Variants in PCSK5 observed in about 807,000 individuals in gnomAD.
The protein encoded by PCSK5 is prohormone convertase 5.
Under a neutral mutation model 233.2 loss-of-function variants are expected in PCSK5, and 129 were observed. The observed-to-expected ratio is 0.55, with a 90% CI of 0.48 to 0.64. PCSK5 has a LOEUF of 0.64. Ranked by LOEUF, PCSK5 falls within the 30% of genes least tolerant of loss-of-function variation. The pLI is 0.00. For synonymous variants in PCSK5, 825 were observed against 879.2 expected (o/e 0.94, Z 1.09); for missense variants, 2,076 against 2,430.1 (o/e 0.85, Z 3.06).
intron 2 of PCSK5, among the ~76,000 whole-genome samples, chr9:75,964,252 C>T (rs1159689446): frequency 6.6e-6 from 1 of 152,164 alleles, no homozygotes; most frequent in Non-Finnish European, 1.5e-5. Flanking sequence ...ACTTAGGTAG[C>T]TCAGATCATA....
At chr9:76,213,316 A>AG (rs1825400277) in intron 20 of PCSK5, among the ~76,000 whole-genome samples, 1 of 152,236 alleles carries the variant, frequency 6.6e-6, no homozygotes, top group Non-Finnish European at 1.5e-5. Flanking sequence ...AAGAGGAGGT[A>AG]GTGAGTTCTT....
At chr9:75,920,533 T>C (rs1471536250) in intron 1 of PCSK5, among the ~76,000 whole-genome samples, 1 of 152,020 alleles carries the variant, frequency 6.6e-6, no homozygotes, top group Non-Finnish European at 1.5e-5. Flanking sequence ...GGCTGGGTGG[T>C]ATGGGTCATG....
chr9:76,093,582 T>TATATACACAC lies in PCSK5; in HGVS notation c.895-2307_895-2306insTATACACACA, dbSNP rs375899150. 3.4e-3 allele frequency among the ~76,000 whole-genome samples: 515 copies of TATATACACAC among 149,918 alleles called. 5 individuals are homozygous for TATATACACAC. The highest frequency in any genetic ancestry group is 0.023 in the South Asian group (106 of 4,704). ...TCATAATTTTATATATATATATATATACACACACACACACACACGTGCTTG... is the reference window on the plus strand; with the variant it reads ...TCATAATTTTATATATATATATATATATATACACACACACACACACACACACACGTGCTTG... On this transcript the variant is annotated intron_variant, in intron 7 of 37. Coordinates refer to ENST00000674117, the MANE Select transcript of PCSK5 (RefSeq NM_001372043.1).
chr9:76,025,051 C>G (rs1445927714), intron 4 of PCSK5, among the ~76,000 whole-genome samples: 1 of 152,122 alleles, frequency 6.6e-6, no homozygotes, highest in East Asian at 1.9e-4. Context: ...GGACACTTAG[C>G]AGGTCTGCAG....
At chr9:76,126,625 C>T (rs1340641253) in intron 9 of PCSK5, among the ~76,000 whole-genome samples, 1 of 151,998 alleles carries the variant, frequency 6.6e-6, no homozygotes, top group Non-Finnish European at 1.5e-5. Context: ...AAAAAAAAAC[C>T]GTTTTTTACA....
At chr9:76,276,588 C>T (rs1827694509) in intron 24 of PCSK5, among the ~76,000 whole-genome samples, 1 of 152,188 alleles carries the variant, frequency 6.6e-6, no homozygotes, top group African/African-American at 2.4e-5. Flanking sequence ...TGGCCTCTGT[C>T]TGGAACACCT....
chr9:76,157,178 G>T lies in PCSK5; in HGVS notation c.1430+16G>T, dbSNP rs144978893. On this transcript the variant is annotated intron_variant, in intron 11 of 37. Transcript: ENST00000674117. ...GACAAATCAAGTAATGCTTGCTGCC[G>T]GCAAACAGCATGACAATGCCCCAAA... is the stretch of plus-strand genomic sequence containing the variant. The T allele has an allele frequency of 3.3e-4, 508 of 1,552,822 alleles. 1 individual carries two copies. The African/African-American group carries it at 5.1e-3, about 16-fold the overall frequency.
intron 30 of PCSK5, among the ~76,000 whole-genome samples, chr9:76,311,257 T>C (rs1828858215): frequency 6.6e-6 from 1 of 151,704 alleles, no homozygotes; most frequent in African/African-American, 2.4e-5. Flanking sequence ...CTTGGGAGGC[T>C]AAGGTGGGAG....
intron 20 of PCSK5, among the ~76,000 whole-genome samples, chr9:76,217,182 C>G (rs1361950547): frequency 6.6e-6 from 1 of 152,172 alleles, no homozygotes; most frequent in Admixed American, 6.5e-5. Flanking sequence ...AATAATATTA[C>G]CTGATATTAG....
intron 2 of PCSK5, among the ~76,000 whole-genome samples, chr9:75,941,454 A>G (rs1322943385): frequency 6.6e-6 from 1 of 152,050 alleles, no homozygotes; most frequent in Non-Finnish European, 1.5e-5. Flanking sequence ...AATGGTTACC[A>G]AATATCCTGA....
intron 1 of PCSK5, among the ~76,000 whole-genome samples, chr9:75,910,155 T>C (rs77137339): frequency 0.018 from 2,748 of 152,310 alleles, 39 homozygotes; most frequent in South Asian, 0.035. Flanking sequence ...TCCATCTCGA[T>C]AAACACAAAA....
In PCSK5 at chr9:76,249,669, T is replaced by C. The variant is rs544873899; in HGVS notation, c.3142+8985T>C. Among the ~76,000 whole-genome samples, 4 of 152,266 alleles carry C rather than the reference T, an allele frequency of 2.6e-5. No individual in the cohort carries two copies. In the East Asian group the frequency reaches 7.7e-4, roughly 29 times the overall value. On this transcript the variant is annotated intron_variant, in intron 24 of 37. Coordinates refer to ENST00000674117, the MANE Select transcript of PCSK5 (RefSeq NM_001372043.1). ...GGACAGGAAATAAACAGGATGAGCC[T>C]GCAGCATCTTGTAATGACAGAATGT...
At chr9:76,236,374 C>A (rs957096039) in intron 22 of PCSK5, among the ~76,000 whole-genome samples, 2 of 152,148 alleles carry the variant, frequency 1.3e-5, no homozygotes, top group African/African-American at 2.4e-5. Flanking sequence ...GAATTACTCT[C>A]CAGAATAAAC....
chr9:76,010,474 T>C (rs1389658107), intron 3 of PCSK5, among the ~76,000 whole-genome samples: 1 of 152,228 alleles, frequency 6.6e-6, no homozygotes, highest in Non-Finnish European at 1.5e-5. Flanking sequence ...ACTTTACTGT[T>C]CACTATGCCC....
At chr9:76,341,042 C>G (rs1829820658) in intron 35 of PCSK5, among the ~76,000 whole-genome samples, 1 of 142,874 alleles carries the variant, frequency 7.0e-6, no homozygotes, top group Non-Finnish European at 1.5e-5. Flanking sequence ...TGGCGAAATC[C>G]TGTTTCTACA....
chr9:76,184,171 C>CCTTA (rs1489095553), intron 16 of PCSK5, among the ~76,000 whole-genome samples: 1 of 152,176 alleles, frequency 6.6e-6, no homozygotes, highest in Non-Finnish European at 1.5e-5. Flanking sequence ...AATAAGCAAT[C>CCTTA]CTTACCCTTG....
chr9:76,302,282 G>A, intron 28 of PCSK5, 65 bp downstream of exon 28: 1 of 736,090 alleles, frequency 1.4e-6, no homozygotes, highest in Non-Finnish European at 2.0e-6. Flanking sequence ...TGGTCTCCGT[G>A]GAGAAATCAC....
chr9:75,941,611 G>A (rs1033053030), intron 2 of PCSK5, among the ~76,000 whole-genome samples: 1 of 152,116 alleles, frequency 6.6e-6, no homozygotes, highest in Non-Finnish European at 1.5e-5. Flanking sequence ...CTATGAATGC[G>A]ATCATTATAG....
intron 9 of PCSK5, among the ~76,000 whole-genome samples, chr9:76,133,515 C>G (rs1459080358): frequency 6.6e-6 from 1 of 152,002 alleles, no homozygotes; most frequent in Non-Finnish European, 1.5e-5. Flanking sequence ...TAAGAATACT[C>G]TTACTGCTGT....
Sources: gnomAD v4.1 joint callset for allele counts (sites outside exome capture counted in the v4.1 genomes callset) on GRCh38, gnomAD v4.1.1 for gene constraint, MANE v1.5 for transcripts, NCBI Gene and HGNC (gene_info 2026-07-23, HGNC 2026-07-21) for gene names.